The following TAFA1 variants were observed in gnomAD, a reference collection of about 807,000 sequenced individuals.
The protein encoded by TAFA1 is TAFA chemokine like family member 1.
In TAFA1, 4 loss-of-function variants were observed where a neutral mutation model predicts 18.5. The observed-to-expected ratio is 0.22, with a 90% CI of 0.11 to 0.49. The LOEUF is 0.49. TAFA1 is among the 20% of genes least tolerant of loss of function. The pLI, the probability that TAFA1 is intolerant of heterozygous loss-of-function variation, is 0.98. For synonymous variants in TAFA1, 56 were observed against 55.2 expected (o/e 1.01, Z -0.06); for missense variants, 147 against 169.0 (o/e 0.87, Z 0.72).
chr3:68,016,545 A>G (rs1269180360), intron 2 of TAFA1, among the ~76,000 whole-genome samples: 1 of 152,192 alleles, frequency 6.6e-6, no homozygotes, highest in East Asian at 1.9e-4. Flanking sequence ...GATGTGCTAT[A>G]CAGCTTGTAG....
chr3:68,186,151 C>G (rs961710671), intron 2 of TAFA1, among the ~76,000 whole-genome samples: 1 of 152,002 alleles, frequency 6.6e-6, no homozygotes, highest in Admixed American at 6.6e-5. Context: ...CTTAGCTCCC[C>G]CTTTGGTGTG....
intron 2 of TAFA1, among the ~76,000 whole-genome samples, chr3:68,303,968 C>G (rs1244217381): frequency 6.6e-6 from 1 of 152,136 alleles, no homozygotes; most frequent in African/African-American, 2.4e-5. Flanking sequence ...ACCCACCATA[C>G]AGTGCTTGCT....
At chr3:68,392,754 A>T (rs1205633891) in intron 2 of TAFA1, among the ~76,000 whole-genome samples, 6 of 152,234 alleles carry the variant, frequency 3.9e-5, no homozygotes, top group Non-Finnish European at 8.8e-5. Flanking sequence ...CTCCTGAATG[A>T]TTGCTAAGTA....
At chr3:68,423,291 A>T (rs778029702) in intron 3 of TAFA1, among the ~76,000 whole-genome samples, 22 of 152,132 alleles carry the variant, frequency 1.4e-4, no homozygotes, top group Non-Finnish European at 2.6e-4. Flanking sequence ...CCTATAAGGT[A>T]TGTCCTCCCA....
At chr3:68,218,842 C>T (rs574989020) in intron 2 of TAFA1, among the ~76,000 whole-genome samples, 2 of 152,228 alleles carry the variant, frequency 1.3e-5, no homozygotes, top group East Asian at 3.9e-4. Context: ...CATCAAGCTC[C>T]AAGAGACCAT....
chr3:68,248,239 A>G (rs1210866465), intron 2 of TAFA1, among the ~76,000 whole-genome samples: 2 of 152,342 alleles, frequency 1.3e-5, no homozygotes, highest in Admixed American at 1.3e-4. Flanking sequence ...CAGTGGCAAT[A>G]TTGCATAAAT....
intron 2 of TAFA1, among the ~76,000 whole-genome samples, chr3:68,307,765 G>A (rs1304489885): frequency 6.6e-6 from 1 of 152,124 alleles, no homozygotes; most frequent in South Asian, 2.1e-4. Flanking sequence ...AAGTATTCAT[G>A]AGAAGGTGGG....
chr3:68,370,873 T>A (rs2069693070), intron 2 of TAFA1, among the ~76,000 whole-genome samples: 1 of 150,842 alleles, frequency 6.6e-6, no homozygotes, highest in East Asian at 2.0e-4. Flanking sequence ...TTAACTATGA[T>A]CATGTGGTTG....
chr3:68,157,175 A>G (rs1460307732), intron 2 of TAFA1, among the ~76,000 whole-genome samples: 1 of 152,130 alleles, frequency 6.6e-6, no homozygotes, highest in Non-Finnish European at 1.5e-5. Flanking sequence ...TTTATTTTTT[A>G]TTTCATTGCT....
chr3:68,080,268 A>G (rs1293584585), intron 2 of TAFA1, among the ~76,000 whole-genome samples: 3 of 152,026 alleles, frequency 2.0e-5, no homozygotes, highest in African/African-American at 4.8e-5. Flanking sequence ...TCTTGATCCA[A>G]TTTTCCAGTC....
At chr3:68,039,835 G>T (rs115496367) in intron 2 of TAFA1, among the ~76,000 whole-genome samples, 1 of 152,130 alleles carries the variant, frequency 6.6e-6, no homozygotes, top group African/African-American at 2.4e-5. Flanking sequence ...CTTTCTGGGG[G>T]ACTGTGAAGG....
At chr3:68,252,913 G>A (rs1000458763) in intron 2 of TAFA1, among the ~76,000 whole-genome samples, 1 of 152,110 alleles carries the variant, frequency 6.6e-6, no homozygotes, top group Non-Finnish European at 1.5e-5. Flanking sequence ...TAAGTCTCAT[G>A]AGCTCTGATG....
At chr3:68,112,932 T>A (rs140231909) in intron 2 of TAFA1, among the ~76,000 whole-genome samples, 1 of 152,240 alleles carries the variant, frequency 6.6e-6, no homozygotes, top group African/African-American at 2.4e-5. Flanking sequence ...CATAAATATA[T>A]ATTATATTCA....
At chr3:68,513,717 G>C (rs1181182942) in intron 3 of TAFA1, among the ~76,000 whole-genome samples, 1 of 152,064 alleles carries the variant, frequency 6.6e-6, no homozygotes, top group Non-Finnish European at 1.5e-5. Flanking sequence ...TATAAAGCAG[G>C]ACAGGTATTA....
At chr3:68,049,061 A>C (rs567619299) in intron 2 of TAFA1, among the ~76,000 whole-genome samples, 1 of 152,308 alleles carries the variant, frequency 6.6e-6, no homozygotes, top group Non-Finnish European at 1.5e-5. Context: ...GTGATTGCAC[A>C]AATTTACATT....
intron 2 of TAFA1, among the ~76,000 whole-genome samples, chr3:68,223,590 A>G (rs1377816604): frequency 6.6e-6 from 1 of 151,680 alleles, no homozygotes; most frequent in Non-Finnish European, 1.5e-5. Context: ...CCTTCCCAGA[A>G]TTTTACCTAC....
intron 2 of TAFA1, among the ~76,000 whole-genome samples, chr3:68,060,820 A>G (rs2064593256): frequency 6.6e-6 from 1 of 152,206 alleles, no homozygotes; most frequent in Admixed American, 6.5e-5. Flanking sequence ...AAATGGGCTC[A>G]TGGATAATTC....
At chr3:68,444,624 C>T (rs1206660570) in intron 3 of TAFA1, among the ~76,000 whole-genome samples, 3 of 151,882 alleles carry the variant, frequency 2.0e-5, no homozygotes, top group Admixed American at 6.6e-5. Context: ...GCTGCTAGCT[C>T]TTCTTTTAAA....
chr3:68,004,055 C>T (rs1704317015), upstream of TAFA1, among the ~76,000 whole-genome samples: 1 of 152,118 alleles, frequency 6.6e-6, no homozygotes. Context: ...TTCTCCTTCC[C>T]TCTTTACTCT....
Sources: allele counts gnomAD v4.1 joint callset (sites outside exome capture counted in the v4.1 genomes callset), GRCh38; gene constraint gnomAD v4.1.1; transcripts MANE v1.5; gene names NCBI Gene and HGNC (gene_info 2026-07-23, HGNC 2026-07-21).